BIN2: variants seen among roughly 807,000 people sequenced by gnomAD.
BIN2 encodes the protein bridging integrator 2, also known as breast cancer associated protein BRAP1.
A neutral mutation model predicts 67.9 loss-of-function variants in BIN2; 43 were observed. That is an observed-to-expected ratio of 0.63 (90% confidence interval 0.50 to 0.82). The LOEUF is 0.82. Among genes scored for constraint, BIN2 ranks in the 40% least tolerant of loss-of-function variants. The pLI is 0.00. For missense variants in BIN2, 581 were observed against 671.6 expected, an observed-to-expected ratio of 0.87 and a Z score of 1.49; for synonymous variants, 244 against 246.8, an observed-to-expected ratio of 0.99 and a Z score of 0.11.
In BIN2 at chr12:51,308,114, C is replaced by A. The variant is rs1163064296; in HGVS notation, c.163-4973G>T. ...TTTCTTTCTCTGACCTATCTGTCCC[C>A]CCCTGGAATATATCCAGGCTGAATA... On this transcript the variant is annotated intron_variant, in intron 2 of 12. Transcript: ENST00000615107. 9.2e-5 allele frequency among the ~76,000 whole-genome samples: 14 copies of A among 152,046 alleles called. 1 individual carries two copies. Among genetic ancestry groups the A allele is most frequent in the East Asian group, 1.9e-4 (1 of 5,192 alleles).
intron 11 of BIN2, among the ~76,000 whole-genome samples, chr12:51,285,504 C>T (rs1422495796): frequency 6.6e-6 from 1 of 151,948 alleles, no homozygotes; most frequent in South Asian, 2.1e-4. Context: ...CTAGAAACTG[C>T]TATGCTAGGG....
chr12:51,299,418 T>C, intron 6 of BIN2, 130 bp from the exon 7 acceptor site: 1 of 1,014,176 alleles, frequency 9.9e-7, no homozygotes. Flanking sequence ...CCCCTGACCA[T>C]GCCCTCCCCA....
At chr12:51,301,568 G>T (rs1333494607) in intron 5 of BIN2, among the ~76,000 whole-genome samples, 3 of 152,042 alleles carry the variant, frequency 2.0e-5, no homozygotes, top group Non-Finnish European at 4.4e-5. Context: ...GCGCACAGTG[G>T]CATGATCTTG....
intron 2 of BIN2, among the ~76,000 whole-genome samples, chr12:51,313,378 A>C (rs1007268787): frequency 4.6e-5 from 7 of 151,752 alleles, no homozygotes; most frequent in Middle Eastern, 6.8e-3. Flanking sequence ...CACTCTTGTC[A>C]CCCAGGCTAG....
chr12:51,297,765 A>G (rs1035577780), intron 7 of BIN2, among the ~76,000 whole-genome samples: 1 of 152,158 alleles, frequency 6.6e-6, no homozygotes, highest in Non-Finnish European at 1.5e-5. Context: ...CTGAGGAGAC[A>G]TAAAAGGGCT....
upstream of BIN2, among the ~76,000 whole-genome samples, chr12:51,324,358 C>T (rs1219263220): frequency 6.6e-6 from 1 of 152,200 alleles, no homozygotes; most frequent in Non-Finnish European, 1.5e-5. Context: ...GCTCCAACCC[C>T]TGCCCGAAAC....
chr12:51,315,595 T>C lies in BIN2; in HGVS notation c.82-1692A>G, dbSNP rs371093010. Among the ~76,000 whole-genome samples, 53 of 152,276 alleles carry C rather than the reference T, an allele frequency of 3.5e-4. No individual in the cohort carries two copies. The South Asian group carries it at 5.8e-3, about 17-fold the overall frequency. ...AAGTAAAATGTGAGCCCTGAAGACATTTTTTACTTGAGAGACTGTTTTCAG... is the reference window on the plus strand; with the variant it reads ...AAGTAAAATGTGAGCCCTGAAGACACTTTTTACTTGAGAGACTGTTTTCAG... On this transcript the variant is annotated intron_variant, in intron 1 of 12. Coordinates refer to ENST00000615107, the MANE Select transcript of BIN2 (RefSeq NM_016293.4).
intron 2 of BIN2, among the ~76,000 whole-genome samples, chr12:51,306,315 G>A (rs1945864896): frequency 6.6e-6 from 1 of 152,180 alleles, no homozygotes; most frequent in Admixed American, 6.5e-5. Context: ...TGAGGATTAA[G>A]AGAACATCAT....
rs1211397635 is a variant in BIN2 at position 51,295,629 on chromosome 12, T to A, written c.761+167A>T. On this transcript the variant is annotated intron_variant, in intron 9 of 12. Coordinates refer to ENST00000615107, the MANE Select transcript of BIN2 (RefSeq NM_016293.4). ...ATATATATATATATATATATATATATATTTAGTAAAAAGCAAAATAATTTA... is the reference window on the plus strand; with the variant it reads ...ATATATATATATATATATATATATAAATTTAGTAAAAAGCAAAATAATTTA... 2.1e-4 allele frequency among the ~76,000 whole-genome samples: 25 copies of A among 117,546 alleles called. 4 individuals are homozygous for A. The highest frequency in any genetic ancestry group is 5.3e-4 in the South Asian group (2 of 3,772). 77.1% of individuals were successfully genotyped at this position (117,546 alleles called of 152,430 possible).
chr12:51,309,931 CTT>C (rs1282207784), intron 2 of BIN2, among the ~76,000 whole-genome samples: 1 of 152,142 alleles, frequency 6.6e-6, no homozygotes, highest in Non-Finnish European at 1.5e-5. Context: ...ACTGATTTTT[CTT>C]CTTTTCAACC....
At chr12:51,315,924 C>T (rs1003687254) in intron 1 of BIN2, among the ~76,000 whole-genome samples, 6 of 152,108 alleles carry the variant, frequency 3.9e-5, no homozygotes, top group African/African-American at 1.4e-4. Context: ...AGTCTTCTGC[C>T]TATAACCCCC....
Position 51,308,518 on chromosome 12 carries a change from T to C in BIN2, c.162+5305A>G, listed in dbSNP as rs569803193. 1.7e-4 allele frequency among the ~76,000 whole-genome samples: 26 copies of C among 152,296 alleles called. No individual in the cohort carries two copies. In the South Asian group the frequency reaches 5.0e-3, roughly 29 times the overall value. On this transcript the variant is annotated intron_variant, in intron 2 of 12. Transcript: ENST00000615107. Reference sequence around the variant, plus strand: ...GTACTGAGGATGGAGAAAGTTCTTGTCCTGGGGTTCCCTACTTTCTGGAGA... The same window carrying C: ...GTACTGAGGATGGAGAAAGTTCTTGCCCTGGGGTTCCCTACTTTCTGGAGA...
At chr12:51,288,455 C>G (rs950732474) in intron 10 of BIN2, among the ~76,000 whole-genome samples, 3 of 152,206 alleles carry the variant, frequency 2.0e-5, no homozygotes, top group African/African-American at 7.2e-5. Context: ...TGCAACTCAG[C>G]TCCCACTCCC....
Position 51,288,201 on chromosome 12 carries a change from G to A in BIN2, c.1516-13C>T. On this transcript the variant is annotated splice_polypyrimidine_tract_variant and intron_variant, in intron 10 of 12. Coordinates refer to ENST00000615107, the MANE Select transcript of BIN2 (RefSeq NM_016293.4). Reference sequence around the variant, plus strand: ...GCTCTGAAGCAACCTGTGAATCAAAGTGAACAATGGAGGAGAGAGTCCCAC... The same window carrying A: ...GCTCTGAAGCAACCTGTGAATCAAAATGAACAATGGAGGAGAGAGTCCCAC... 1 of 1,611,426 alleles carries A rather than the reference G, an allele frequency of 6.2e-7. No individual in the cohort carries two copies. Among genetic ancestry groups the A allele is most frequent in the Non-Finnish European group, 8.5e-7 (1 of 1,177,726 alleles).
intron 9 of BIN2, among the ~76,000 whole-genome samples, chr12:51,294,500 G>C (rs1945479517): frequency 6.6e-6 from 1 of 151,284 alleles, no homozygotes; most frequent in African/African-American, 2.4e-5. Context: ...CCGGGAAGCA[G>C]AGGTTGCAGT....
At chr12:51,312,661 G>A (rs1946023522) in intron 2 of BIN2, among the ~76,000 whole-genome samples, 1 of 152,080 alleles carries the variant, frequency 6.6e-6, no homozygotes, top group South Asian at 2.1e-4. Context: ...TGAGTGATGA[G>A]TACATGTGAA....
intron 1 of BIN2, among the ~76,000 whole-genome samples, chr12:51,317,225 G>A (rs1356291019): frequency 2.0e-5 from 3 of 152,004 alleles, no homozygotes; most frequent in African/African-American, 7.2e-5. Context: ...GGCTCCTTAA[G>A]GTTTAGGTAC....
At chr12:51,309,437 C>T (rs754860464) in intron 2 of BIN2, among the ~76,000 whole-genome samples, 2 of 152,298 alleles carry the variant, frequency 1.3e-5, no homozygotes, top group Middle Eastern at 3.4e-3. Context: ...TCCTGGCACA[C>T]AGCAGGTGCT....
Position 51,313,842 on chromosome 12 carries a change from C to T in BIN2, c.143G>A (p.Ser48Asn), listed in dbSNP as rs7312857. The change falls in exon 2 of 13, where the codon AGC becomes AAC. Residue 48 changes from serine (S) to asparagine (N), a missense_variant. Physicochemically the swap from Ser to Asn is conservative, Grantham distance 46. Coordinates refer to ENST00000615107, the MANE Select transcript of BIN2 (RefSeq NM_016293.4). ...GATTACCTGTTGTTGGTAGAAGTTGCTAGCGCTTTGTTCAAATCGTTCATC... is the reference window on the plus strand; with the variant it reads ...GATTACCTGTTGTTGGTAGAAGTTGTTAGCGCTTTGTTCAAATCGTTCATC... ...TKDERFEQSASNFYQQQAEGH... is the reference protein window; with the variant it reads ...TKDERFEQSANNFYQQQAEGH... 179,919 of 1,612,968 alleles carry T rather than the reference C, an allele frequency of 0.11. 11,006 individuals are homozygous for T. The highest frequency in any genetic ancestry group is 0.24 in the East Asian group (10,894 of 44,838).
Sources: allele counts gnomAD v4.1 joint callset (sites outside exome capture counted in the v4.1 genomes callset), GRCh38; gene constraint gnomAD v4.1.1; transcripts MANE v1.5; gene names NCBI Gene and HGNC (gene_info 2026-07-23, HGNC 2026-07-21).